The following PTPN12 variants were observed in gnomAD, a reference collection of about 807,000 sequenced individuals.
The protein encoded by PTPN12 is protein tyrosine phosphatase non-receptor type 12.
A neutral mutation model predicts 97.6 loss-of-function variants in PTPN12; 29 were observed. The observed-to-expected ratio is 0.30, with a 90% CI of 0.22 to 0.41. PTPN12 has a LOEUF of 0.41. Ranked by LOEUF, PTPN12 falls within the 10% of genes least tolerant of loss-of-function variation. PTPN12 has a pLI of 1.00. For missense variants in PTPN12, 819 were observed against 926.0 expected, an observed-to-expected ratio of 0.88 and a Z score of 1.50; for synonymous variants, 327 against 300.4, an observed-to-expected ratio of 1.09 and a Z score of -0.91.
At chr7:77,547,035 T>C (rs1807257077) in intron 1 of PTPN12, among the ~76,000 whole-genome samples, 1 of 152,250 alleles carries the variant, frequency 6.6e-6, no homozygotes, top group African/African-American at 2.4e-5. Flanking sequence ...CTACATTTCC[T>C]GTAATAACTT....
intron 1 of PTPN12, among the ~76,000 whole-genome samples, chr7:77,553,279 G>C (rs141271553): frequency 6.6e-6 from 1 of 152,200 alleles, no homozygotes; most frequent in Non-Finnish European, 1.5e-5. Context: ...GTCTTAGGTA[G>C]TCTATAGACG....
At chr7:77,549,341 A>C (rs983445468) in intron 1 of PTPN12, among the ~76,000 whole-genome samples, 2 of 152,204 alleles carry the variant, frequency 1.3e-5, no homozygotes, top group African/African-American at 4.8e-5. Flanking sequence ...GAAAAAGCAC[A>C]AAGAGTCCTT....
intron 2 of PTPN12, among the ~76,000 whole-genome samples, chr7:77,579,452 C>G (rs1221655791): frequency 2.0e-5 from 3 of 152,002 alleles, no homozygotes; most frequent in African/African-American, 4.8e-5. Flanking sequence ...ATATGAGATC[C>G]TCGAAAGAGA....
intron 2 of PTPN12, among the ~76,000 whole-genome samples, chr7:77,578,627 A>G (rs1034269335): frequency 6.6e-6 from 1 of 152,166 alleles, no homozygotes; most frequent in Admixed American, 6.5e-5. Context: ...ATTAGTTACT[A>G]TTAGTTGTTC....
intron 2 of PTPN12, among the ~76,000 whole-genome samples, chr7:77,572,168 C>T (rs905239129): frequency 6.6e-6 from 1 of 150,870 alleles, no homozygotes; most frequent in African/African-American, 2.4e-5. Flanking sequence ...GATCTTGGCT[C>T]ACTGCAACCT....
intron 1 of PTPN12, among the ~76,000 whole-genome samples, chr7:77,540,848 A>C (rs1263537099): frequency 6.6e-6 from 1 of 152,164 alleles, no homozygotes; most frequent in Non-Finnish European, 1.5e-5. Flanking sequence ...TAAATTCTTA[A>C]CATTTTATGA....
chr7:77,597,891 A>C lies in PTPN12; in HGVS notation c.542A>C (p.Glu181Ala). ...TACTTCATCAGGACACTCTTACTTG[A>C]ATTTCAAAATGTAGGTACTTACCAT... ...TDYFIRTLLL[E>A]FQNESRRLYQ... is the part of the protein sequence containing the mutation. Residue 181 changes from glutamate to alanine, a missense_variant, in exon 7 of 18, where the codon GAA (glutamate) becomes GCA (alanine). Physicochemically the swap from Glu to Ala is moderately radical, Grantham distance 107. Around this residue, in one of 5 missense-constraint regions of PTPN12, gnomAD observed 45 missense variants for 52.0 expected, o/e 0.87. Coordinates refer to ENST00000248594, the MANE Select transcript of PTPN12 (RefSeq NM_002835.4). The C allele has an allele frequency of 6.2e-7, 1 of 1,612,710 alleles. No homozygotes were observed.
At chr7:77,544,639 A>G (rs1488843418) in intron 1 of PTPN12, among the ~76,000 whole-genome samples, 6 of 152,216 alleles carry the variant, frequency 3.9e-5, no homozygotes, top group African/African-American at 9.6e-5. Flanking sequence ...TTTTGTTCAT[A>G]TGTTAAATAC....
chr7:77,561,883 C>T (rs1372835300), intron 1 of PTPN12, among the ~76,000 whole-genome samples: 3 of 151,864 alleles, frequency 2.0e-5, no homozygotes, highest in Admixed American at 2.0e-4. Context: ...GCTCCGCCTC[C>T]TGGGTTCATG....
At chr7:77,581,384 C>A in intron 2 of PTPN12, 43 bp from the exon 3 acceptor site, 1 of 1,294,860 alleles carries the variant, frequency 7.7e-7, no homozygotes, top group Non-Finnish European at 1.1e-6. Flanking sequence ...TAGAAAATAC[C>A]TGTGTGTCAA....
intron 5 of PTPN12, among the ~76,000 whole-genome samples, chr7:77,586,074 C>T (rs932096241): frequency 2.6e-5 from 4 of 152,138 alleles, no homozygotes; most frequent in Admixed American, 1.3e-4. Flanking sequence ...CTGCCTTAGC[C>T]TTCTGAGTAG....
chr7:77,583,332 G>A (rs1787582883), intron 3 of PTPN12, among the ~76,000 whole-genome samples: 1 of 152,128 alleles, frequency 6.6e-6, no homozygotes, highest in Admixed American at 6.5e-5. Flanking sequence ...TACCTATTCT[G>A]TGCACCATAT....
chr7:77,543,867 A>T (rs1303200805), intron 1 of PTPN12, among the ~76,000 whole-genome samples: 7 of 152,214 alleles, frequency 4.6e-5, no homozygotes, highest in African/African-American at 1.7e-4. Flanking sequence ...TTATGGCTGA[A>T]TAATATTCTA....
chr7:77,561,032 G>A (rs1156345918), intron 1 of PTPN12, among the ~76,000 whole-genome samples: 1 of 152,180 alleles, frequency 6.6e-6, no homozygotes, highest in African/African-American at 2.4e-5. Context: ...AAGGGTTCCA[G>A]TTTCTCCATA....
intron 12 of PTPN12, among the ~76,000 whole-genome samples, chr7:77,625,472 G>GCTCTCGCTCTCTCTCTCT (rs1554326599): frequency 3.0e-5 from 1 of 33,520 alleles, no homozygotes. Context: ...CAGGCTGCTC[G>GCTCTCGCTCTCTCTCTCT]CTCTCTCTCT....
chr7:77,603,870 A>G (rs1460047168), intron 8 of PTPN12, among the ~76,000 whole-genome samples: 2 of 131,006 alleles, frequency 1.5e-5, no homozygotes, highest in Admixed American at 1.5e-4. Flanking sequence ...ACTGTGTGTT[A>G]TCTTTTTGTT....
intron 13 of PTPN12, among the ~76,000 whole-genome samples, chr7:77,629,565 A>T (rs558701449): frequency 9.1e-4 from 135 of 149,106 alleles, no homozygotes; most frequent in Middle Eastern, 3.4e-3. Context: ...TTTTTTTTTT[A>T]AAAAAAACCA....
chr7:77,584,166 C>T (rs1027548992), intron 4 of PTPN12, among the ~76,000 whole-genome samples: 1 of 152,170 alleles, frequency 6.6e-6, no homozygotes, highest in Non-Finnish European at 1.5e-5. Flanking sequence ...AAGAGCTACC[C>T]TATACTGCTC....
intron 2 of PTPN12, among the ~76,000 whole-genome samples, chr7:77,573,093 AAAAC>A (rs1211410835): frequency 4.3e-5 from 2 of 46,662 alleles, no homozygotes; most frequent in African/African-American, 3.3e-4. Context: ...AAAAAAAAAA[AAAAC>A]AAAAAAACAA....
Sources: allele counts gnomAD v4.1 joint callset (sites outside exome capture counted in the v4.1 genomes callset), GRCh38; gene constraint gnomAD v4.1.1; regional missense constraint gnomAD v4.1.1; transcripts MANE v1.5; gene names NCBI Gene and HGNC (gene_info 2026-07-23, HGNC 2026-07-21).